Variants in SMCO4 observed in about 807,000 individuals in gnomAD.
The protein encoded by SMCO4 is single-pass membrane protein with coiled-coil domains 4.
A neutral mutation model predicts 3.6 loss-of-function variants in SMCO4; 4 were observed. That is an observed-to-expected ratio of 1.11 (90% CI 0.54 to 2.53). SMCO4 has a LOEUF of 2.53. Ranked by LOEUF, SMCO4 falls within the 30% of genes most tolerant of loss-of-function variation. The probability of loss-of-function intolerance (pLI) is 0.02; values close to 1 mark genes in which losing one functional copy is unlikely to be tolerated. For synonymous variants in SMCO4, 36 were observed against 35.3 expected (o/e 1.02, Z -0.07); for missense variants, 70 against 80.8 (o/e 0.87, Z 0.51).
chr11:93,533,912 T>G (rs1284896724), intron 1 of SMCO4, among the ~76,000 whole-genome samples: 1 of 152,032 alleles, frequency 6.6e-6, no homozygotes, highest in East Asian at 1.9e-4. Flanking sequence ...ATTAGCCAGG[T>G]GTGGTAGCTC....
chr11:93,506,059 T>G (rs1280062170), intron 1 of SMCO4, among the ~76,000 whole-genome samples: 1 of 152,152 alleles, frequency 6.6e-6, no homozygotes, highest in Non-Finnish European at 1.5e-5. Context: ...ACGTGTGCAT[T>G]TATACACACA....
chr11:93,510,202 T>C (rs1453937739), intron 1 of SMCO4, among the ~76,000 whole-genome samples: 2 of 152,132 alleles, frequency 1.3e-5, no homozygotes, highest in African/African-American at 4.8e-5. Context: ...AAGCTGCAAT[T>C]AGTATCACCC....
At chr11:93,526,496 T>A (rs1261508375) in intron 1 of SMCO4, among the ~76,000 whole-genome samples, 1 of 152,104 alleles carries the variant, frequency 6.6e-6, no homozygotes, top group African/African-American at 2.4e-5. Flanking sequence ...CACTAGGCAG[T>A]ACAACACCAG....
At chr11:93,506,409 G>C (rs532325160) in intron 1 of SMCO4, among the ~76,000 whole-genome samples, 7 of 150,868 alleles carry the variant, frequency 4.6e-5, no homozygotes, top group African/African-American at 1.5e-4. Flanking sequence ...TGTATCAGTG[G>C]TCATTATATT....
intron 1 of SMCO4, among the ~76,000 whole-genome samples, chr11:93,513,785 T>A (rs1287773875): frequency 6.6e-6 from 1 of 152,176 alleles, no homozygotes; most frequent in African/African-American, 2.4e-5. Flanking sequence ...AGAATCGTAG[T>A]TATTAATAAG....
intron 2 of SMCO4, among the ~76,000 whole-genome samples, chr11:93,494,190 C>T (rs1485153836): frequency 6.6e-6 from 1 of 152,200 alleles, no homozygotes; most frequent in Non-Finnish European, 1.5e-5. Context: ...ATGGTAGTAA[C>T]ACTGAAGAAT....
intron 1 of SMCO4, among the ~76,000 whole-genome samples, chr11:93,534,671 T>TC (rs986698696): frequency 6.6e-6 from 1 of 152,038 alleles, no homozygotes; most frequent in Non-Finnish European, 1.5e-5. Flanking sequence ...TCCCAAGGGT[T>TC]CCCCCTCCAC....
chr11:93,478,697 T>C lies in SMCO4; in HGVS notation c.*313A>G, dbSNP rs985702448. ...TCAGGTGGAGCTACTTATCGATTTT[T>C]AGGAGAGAAAAAGAAGCACACACAC... On this transcript the variant is annotated 3_prime_UTR_variant, in exon 3 of 3. Transcript: ENST00000298966. The C allele has an allele frequency of 1.7e-5, 7 of 412,030 alleles. No homozygotes were observed. The highest frequency in any genetic ancestry group is 2.2e-5 in the African/African-American group (1 of 44,550). 25.5% of individuals were successfully genotyped at this position (412,030 alleles called of 1,614,324 possible). A position where few individuals can be genotyped will look rare whatever the true frequency, so the allele number is the denominator to read the frequency against.
At chr11:93,528,998 G>A (rs1218032205) in intron 1 of SMCO4, among the ~76,000 whole-genome samples, 1 of 152,174 alleles carries the variant, frequency 6.6e-6, no homozygotes, top group Non-Finnish European at 1.5e-5. Context: ...CAAGGAGGCT[G>A]TCTTATGGGA....
At chr11:93,551,098 A>G in the SMCO4 span, among the ~76,000 whole-genome samples, 8 of 152,232 alleles carry the variant, frequency 5.3e-5, no homozygotes, top group African/African-American at 1.9e-4. Flanking sequence ...TTGTGTGAAT[A>G]TAAAAGCAAA....
chr11:93,509,175 CAG>C (rs1160709070), intron 1 of SMCO4, among the ~76,000 whole-genome samples: 1 of 151,928 alleles, frequency 6.6e-6, no homozygotes, highest in Non-Finnish European at 1.5e-5. Flanking sequence ...CCTATAGTCT[CAG>C]ATACTCGGGA....
intron 1 of SMCO4, among the ~76,000 whole-genome samples, chr11:93,535,217 C>A (rs565900659): frequency 6.6e-6 from 1 of 152,228 alleles, no homozygotes; most frequent in African/African-American, 2.4e-5. Context: ...AACTAGCATC[C>A]GGGAGAAACA....
At chr11:93,533,031 G>T (rs1949178379) in intron 1 of SMCO4, among the ~76,000 whole-genome samples, 1 of 152,174 alleles carries the variant, frequency 6.6e-6, no homozygotes, top group African/African-American at 2.4e-5. Flanking sequence ...GCAGGCAGGG[G>T]TGCTATACTA....
intron 2 of SMCO4, among the ~76,000 whole-genome samples, chr11:93,489,051 A>C (rs1948684164): frequency 6.6e-6 from 1 of 152,114 alleles, no homozygotes; most frequent in African/African-American, 2.4e-5. Context: ...AGTAAGTCTG[A>C]GGGAGGGTGG....
At position 93,481,722 on chromosome 11, in the gene SMCO4, C is replaced by T. The variant is rs184770348; in HGVS notation, c.-80-2453G>A. On this transcript the variant is annotated intron_variant, in intron 2 of 2. Transcript: ENST00000298966. ...GCTGCAAATGGCAGCCTATTCTCTC[C>T]GACACGGCCTCAAAAAAATTGTTTA... Among the ~76,000 whole-genome samples, 639 of 152,358 alleles carry T rather than the reference C, an allele frequency of 4.2e-3. 2 individuals are homozygous for T. The highest frequency in any genetic ancestry group is 0.015 in the African/African-American group (615 of 41,590).
At chr11:93,534,396 A>AGAGAGG (rs1227098588) in intron 1 of SMCO4, among the ~76,000 whole-genome samples, 8 of 148,294 alleles carry the variant, frequency 5.4e-5, no homozygotes, top group African/African-American at 2.0e-4. Context: ...AGAGAGAGAG[A>AGAGAGG]TACATATATA....
At chr11:93,548,711 GAACA>G in the SMCO4 span, among the ~76,000 whole-genome samples, 6 of 152,106 alleles carry the variant, frequency 3.9e-5, no homozygotes, top group Non-Finnish European at 8.8e-5. Flanking sequence ...TCGAACATTT[GAACA>G]AAGAACTGGA....
chr11:93,537,768 A>C (rs1267276541), intron 1 of SMCO4: 1 of 151,784 alleles, frequency 6.6e-6, no homozygotes, highest in Admixed American at 6.6e-5. Flanking sequence ...CAGAACAAGA[A>C]GAGGTTCCCT....
At chr11:93,531,840 T>C (rs1299147988) in intron 1 of SMCO4, among the ~76,000 whole-genome samples, 1 of 152,126 alleles carries the variant, frequency 6.6e-6, no homozygotes, top group Non-Finnish European at 1.5e-5. Context: ...GCCCCTCTGC[T>C]CCCTGAGATA....
Sources: allele counts gnomAD v4.1 joint callset (sites outside exome capture counted in the v4.1 genomes callset), GRCh38; gene constraint gnomAD v4.1.1; transcripts MANE v1.5; gene names NCBI Gene and HGNC (gene_info 2026-07-23, HGNC 2026-07-21).